The following AFF1 variants were observed in gnomAD, a reference collection of about 807,000 sequenced individuals.
AFF1 encodes AF4/FMR2 family member 1.
Under a neutral mutation model 121.7 loss-of-function variants are expected in AFF1, and 48 were observed. The observed-to-expected ratio is 0.39, with a 90% confidence interval of 0.31 to 0.50. The LOEUF (loss-of-function observed/expected upper bound fraction) is 0.50. Among genes scored for constraint, AFF1 ranks in the 20% least tolerant of loss-of-function variants. AFF1 has a pLI of 0.76. For synonymous variants in AFF1, 613 were observed against 563.0 expected (o/e 1.09, Z -1.26); for missense variants, 1,523 against 1,511.7 (o/e 1.01, Z -0.12).
At chr4:87,039,526 C>T (rs1729893774) in intron 2 of AFF1, among the ~76,000 whole-genome samples, 1 of 152,210 alleles carries the variant, frequency 6.6e-6, no homozygotes. Flanking sequence ...GTCCCCCTTT[C>T]ATGGCTTGAG....
chr4:86,980,949 C>CA (rs1560515084), intron 2 of AFF1, among the ~76,000 whole-genome samples: 1 of 119,278 alleles, frequency 8.4e-6, no homozygotes, highest in East Asian at 2.4e-4. Context: ...CTTGAGGCAC[C>CA]CCCCCCCTCC....
Position 87,029,897 on chromosome 4 carries a change from A to G in AFF1, c.39-16269A>G, listed in dbSNP as rs116587143. 7.1e-3 allele frequency among the ~76,000 whole-genome samples: 1,076 copies of G among 152,286 alleles called. 5 individuals are homozygous for G. Among genetic ancestry groups the G allele is most frequent in the Non-Finnish European group, 0.011 (734 of 68,032 alleles). ...CTGAAGATGTTGGGTGACATTGTAC[A>G]GTGAATGGAGGCTGCCTGCTTGGCA... On this transcript the variant is annotated intron_variant, in intron 2 of 20. Coordinates refer to ENST00000395146, the MANE Select transcript of AFF1 (RefSeq NM_001166693.3).
At chr4:87,111,473 C>G (rs1029566583) in intron 11 of AFF1, among the ~76,000 whole-genome samples, 4 of 152,176 alleles carry the variant, frequency 2.6e-5, no homozygotes, top group African/African-American at 9.6e-5. Flanking sequence ...CCTGCCTCAG[C>G]CTCCTGAGTA....
chr4:87,092,642 C>CA (rs936066800), intron 7 of AFF1, among the ~76,000 whole-genome samples: 1 of 151,918 alleles, frequency 6.6e-6, no homozygotes, highest in Non-Finnish European at 1.5e-5. Context: ...AAGTATAGCA[C>CA]AAAAAACCTA....
intron 5 of AFF1, among the ~76,000 whole-genome samples, chr4:87,084,644 A>G (rs898580345): frequency 3.9e-5 from 6 of 152,026 alleles, no homozygotes; most frequent in African/African-American, 1.2e-4. Flanking sequence ...CCTTTTAACC[A>G]TTTCTCCCCC....
Position 87,127,039 on chromosome 4 carries a change from A to G in AFF1, c.2825A>G (p.Asp942Gly). The G allele has an allele frequency of 6.2e-7, 1 of 1,613,674 alleles. No individual in the cohort carries two copies. The highest frequency in any genetic ancestry group is 8.5e-7 in the Non-Finnish European group (1 of 1,179,860). ...TTTTTTTTGAAGGGTTCTTCCGGAG[A>G]TACTGCAAATCCTTTTCCAGTGCCT... ...SSSEHKGSSG[D>G]TANPFPVPSL... The change falls in exon 15 of 21, where the codon GAT becomes GGT. Residue 942 changes from aspartate (D) to glycine (G), a missense_variant. Asp to Gly is a moderately conservative substitution (Grantham distance 94). Transcript: ENST00000395146.
intron 2 of AFF1, among the ~76,000 whole-genome samples, chr4:87,009,812 TG>T (rs1458581418): frequency 6.6e-6 from 1 of 152,206 alleles, no homozygotes; most frequent in African/African-American, 2.4e-5. Flanking sequence ...ACATCACCTG[TG>T]ATGTAAAATC....
chr4:87,041,568 A>G (rs2149603109), intron 2 of AFF1, among the ~76,000 whole-genome samples: 1 of 152,314 alleles, frequency 6.6e-6, no homozygotes, highest in South Asian at 2.1e-4. Context: ...ATCTAAAATC[A>G]GCTAAGGAGA....
chr4:87,112,252 G>A (rs565980249), intron 11 of AFF1, among the ~76,000 whole-genome samples: 84 of 152,266 alleles, frequency 5.5e-4, no homozygotes, highest in African/African-American at 1.7e-3. Context: ...ACCATTCTGC[G>A]TTCTTAGAAT....
At chr4:86,982,405 T>C (rs1284372463) in intron 2 of AFF1, among the ~76,000 whole-genome samples, 14 of 146,204 alleles carry the variant, frequency 9.6e-5, no homozygotes, top group African/African-American at 3.5e-4. Flanking sequence ...TTTTTTTTTT[T>C]TTTTTTTTTT....
intron 2 of AFF1, 30 bp downstream of exon 2, chr4:86,948,601 T>C: frequency 2.0e-6 from 3 of 1,525,816 alleles, no homozygotes; most frequent in Non-Finnish European, 2.6e-6. Flanking sequence ...TTCAAAGACA[T>C]GCTGATATTT....
At chr4:86,947,721 ACC>A (rs1720966578) in intron 1 of AFF1, among the ~76,000 whole-genome samples, 1 of 152,218 alleles carries the variant, frequency 6.6e-6, no homozygotes, top group Non-Finnish European at 1.5e-5. Context: ...CCAAGATAGT[ACC>A]AAGACTATCT....
At chr4:87,062,617 A>T (rs1720897328) in intron 4 of AFF1, among the ~76,000 whole-genome samples, 1 of 152,124 alleles carries the variant, frequency 6.6e-6, no homozygotes, top group Admixed American at 6.5e-5. Context: ...ATCCTTTAAT[A>T]CCTTTTATTT....
intron 4 of AFF1, among the ~76,000 whole-genome samples, chr4:87,067,891 C>T (rs1028757630): frequency 1.3e-5 from 2 of 152,112 alleles, no homozygotes; most frequent in Non-Finnish European, 2.9e-5. Context: ...CTTTTTATTA[C>T]TCGGATTTTT....
chr4:87,061,988 T>G (rs569654324), intron 4 of AFF1, among the ~76,000 whole-genome samples: 1 of 152,334 alleles, frequency 6.6e-6, no homozygotes, highest in African/African-American at 2.4e-5. Context: ...ATTCATTCAT[T>G]CATTCATACG....
At chr4:87,082,248 A>G (rs1723252163) in intron 4 of AFF1, among the ~76,000 whole-genome samples, 1 of 152,170 alleles carries the variant, frequency 6.6e-6, no homozygotes, top group African/African-American at 2.4e-5. Flanking sequence ...ATGTAAATTG[A>G]AATCGTAGAA....
intron 2 of AFF1, among the ~76,000 whole-genome samples, chr4:87,008,212 G>A (rs1296217089): frequency 6.6e-6 from 1 of 152,168 alleles, no homozygotes; most frequent in African/African-American, 2.4e-5. Flanking sequence ...TTTCAACTGT[G>A]TTTTGCTAGA....
intron 2 of AFF1, among the ~76,000 whole-genome samples, chr4:87,032,163 G>A (rs1415917575): frequency 6.6e-6 from 1 of 152,192 alleles, no homozygotes; most frequent in African/African-American, 2.4e-5. Context: ...TTAAGGAGAT[G>A]CCAATTATAG....
At chr4:87,060,992 T>A (rs1241303173) in intron 4 of AFF1, among the ~76,000 whole-genome samples, 1 of 152,168 alleles carries the variant, frequency 6.6e-6, no homozygotes. Flanking sequence ...ACCGAGGTCT[T>A]TTATCTCCCT....
Sources: gnomAD v4.1 joint callset for allele counts (sites outside exome capture counted in the v4.1 genomes callset) on GRCh38, gnomAD v4.1.1 for gene constraint, MANE v1.5 for transcripts, NCBI Gene and HGNC (gene_info 2026-07-23, HGNC 2026-07-21) for gene names.